SMYD3: variants seen among roughly 807,000 people sequenced by gnomAD.
SMYD3 encodes the protein SET and MYND domain containing 3.
In SMYD3, 36 loss-of-function variants were observed where a neutral mutation model predicts 57.7. The ratio of observed to expected loss-of-function variants is 0.62; its 90% CI spans 0.48 to 0.82. The LOEUF (loss-of-function observed/expected upper bound fraction) is 0.82. SMYD3 is among the 40% of genes least tolerant of loss of function. The pLI, the probability that SMYD3 is intolerant of heterozygous loss-of-function variation, is 0.00. For missense variants in SMYD3, 515 were observed against 538.8 expected, an observed-to-expected ratio of 0.96 and a Z score of 0.44; for synonymous variants, 211 against 195.0, an observed-to-expected ratio of 1.08 and a Z score of -0.68.
rs543201624 is a variant in SMYD3, at chr1:246,253,287, C to T, written c.531+73914G>A. Among the ~76,000 whole-genome samples the T allele has an allele frequency of 2.6e-5, 4 of 152,298 alleles. No individual in the cohort carries two copies. In the South Asian group the frequency reaches 8.3e-4, roughly 32 times the overall value. On this transcript the variant is annotated intron_variant, in intron 5 of 11. Transcript: ENST00000490107. The stretch of plus-strand genomic sequence containing the variant: ...CTTGCTCCCTCCCTCCAACCTCGAG[C>T]AGTCCTCAGTTTCTGCTGTTGCCAT...
chr1:245,827,216 G>T (rs1271056294), intron 10 of SMYD3, among the ~76,000 whole-genome samples: 3 of 152,104 alleles, frequency 2.0e-5, no homozygotes, highest in Admixed American at 1.3e-4. Context: ...CAGCAATCTG[G>T]ACCTCTGACC....
At chr1:246,062,555 G>A (rs7416945) in intron 5 of SMYD3, among the ~76,000 whole-genome samples, 42,117 of 152,030 alleles carry the variant, frequency 0.28, 6,350 homozygotes, top group East Asian at 0.39. Context: ...TAGTCATTTG[G>A]ACCACTAACC....
At chr1:245,869,404 T>C (rs1032209363) in intron 8 of SMYD3, among the ~76,000 whole-genome samples, 5 of 152,158 alleles carry the variant, frequency 3.3e-5, no homozygotes, top group African/African-American at 1.2e-4. Flanking sequence ...GGCCCTCACC[T>C]TCCTCACCTG....
At chr1:246,208,644 T>C (rs1291496043) in intron 5 of SMYD3, among the ~76,000 whole-genome samples, 2 of 152,292 alleles carry the variant, frequency 1.3e-5, no homozygotes, top group East Asian at 1.9e-4. Context: ...TCTAGAAAAC[T>C]GTTCTCTGCT....
chr1:245,844,088 C>T (rs975484596), intron 10 of SMYD3, among the ~76,000 whole-genome samples: 1 of 152,152 alleles, frequency 6.6e-6, no homozygotes, highest in African/African-American at 2.4e-5. Context: ...GTCCTAGTTC[C>T]TCCTCCTCTG....
chr1:245,845,617 G>A (rs2050625745), intron 10 of SMYD3, among the ~76,000 whole-genome samples: 1 of 152,076 alleles, frequency 6.6e-6, no homozygotes, highest in Non-Finnish European at 1.5e-5. Flanking sequence ...CTCCTAAATG[G>A]CTGGCTTGTG....
chr1:246,191,424 T>C (rs943969990), intron 5 of SMYD3, among the ~76,000 whole-genome samples: 5 of 152,200 alleles, frequency 3.3e-5, no homozygotes, highest in Non-Finnish European at 7.3e-5. Context: ...TTATGTAAGG[T>C]TTTGTTTCTT....
chr1:245,819,258 C>T (rs1303879219), intron 10 of SMYD3, among the ~76,000 whole-genome samples: 1 of 140,320 alleles, frequency 7.1e-6, no homozygotes, highest in South Asian at 2.4e-4. Context: ...AACCACTCAA[C>T]TACATGGAAA....
intron 5 of SMYD3, among the ~76,000 whole-genome samples, chr1:246,262,841 A>T (rs1041766473): frequency 6.6e-6 from 1 of 152,222 alleles, no homozygotes; most frequent in Non-Finnish European, 1.5e-5. Flanking sequence ...GTATTTTAAA[A>T]ATAGTTTTTC....
chr1:246,074,137 C>A (rs2060504485), intron 5 of SMYD3, among the ~76,000 whole-genome samples: 4 of 152,052 alleles, frequency 2.6e-5, no homozygotes, highest in Admixed American at 1.3e-4. Flanking sequence ...CAATTTGTCT[C>A]CTTCCAGTGT....
At chr1:245,968,806 C>T (rs77976841) in intron 5 of SMYD3, among the ~76,000 whole-genome samples, 2 of 152,266 alleles carry the variant, frequency 1.3e-5, no homozygotes, top group African/African-American at 2.4e-5. Context: ...TCGTCTTTCC[C>T]GCGTTGTAAA....
intron 8 of SMYD3, among the ~76,000 whole-genome samples, chr1:245,902,313 G>A (rs2054243282): frequency 6.6e-6 from 1 of 152,144 alleles, no homozygotes; most frequent in Admixed American, 6.5e-5. Context: ...GCCTGCCTGG[G>A]GCCACTGCCA....
At position 246,158,536 on chromosome 1, in the gene SMYD3, G is replaced by A. The variant is rs951059383; in HGVS notation, c.531+168665C>T. Among the ~76,000 whole-genome samples the A allele has an allele frequency of 2.6e-5, 4 of 152,032 alleles. No homozygotes were observed. The East Asian group carries it at 7.7e-4, about 29-fold the overall frequency. On this transcript the variant is annotated intron_variant, in intron 5 of 11. Transcript: ENST00000490107. ...GCTTTGTTTTTTTGAGAACTACCCC[G>A]TAGAGTAAAGCATACCTTTTTATAT...
At chr1:246,502,983 G>A (rs1412397637) in intron 1 of SMYD3, among the ~76,000 whole-genome samples, 2 of 152,124 alleles carry the variant, frequency 1.3e-5, no homozygotes, top group African/African-American at 4.8e-5. Flanking sequence ...TACCACTGCT[G>A]TGCTATAGGC....
At chr1:245,817,432 C>T (rs1397356437) in intron 10 of SMYD3, among the ~76,000 whole-genome samples, 2 of 149,934 alleles carry the variant, frequency 1.3e-5, no homozygotes, top group Non-Finnish European at 3.0e-5. Flanking sequence ...GTAGATAAAA[C>T]CACAAAGATG....
At chr1:245,916,053 T>C (rs902381336) in intron 7 of SMYD3, among the ~76,000 whole-genome samples, 3 of 152,226 alleles carry the variant, frequency 2.0e-5, no homozygotes, top group East Asian at 1.9e-4. Context: ...GCCAGATTGC[T>C]CTTAAATTCT....
At chr1:246,435,662 G>A (rs2067359448) in intron 1 of SMYD3, among the ~76,000 whole-genome samples, 2 of 151,832 alleles carry the variant, frequency 1.3e-5, no homozygotes, top group South Asian at 4.2e-4. Flanking sequence ...GAGGAAGGGG[G>A]AATAAGGGAA....
chr1:245,870,752 T>G (rs761596985), intron 8 of SMYD3, among the ~76,000 whole-genome samples: 3 of 152,214 alleles, frequency 2.0e-5, no homozygotes, highest in Non-Finnish European at 4.4e-5. Flanking sequence ...AAAGCTACGT[T>G]TCTTCCATAG....
chr1:245,861,103 C>T (rs1424141851), intron 9 of SMYD3, among the ~76,000 whole-genome samples: 1 of 152,270 alleles, frequency 6.6e-6, no homozygotes, highest in Non-Finnish European at 1.5e-5. Flanking sequence ...TGGCAACTGT[C>T]TCTTGCCAAA....
Sources: gnomAD v4.1 joint callset for allele counts (sites outside exome capture counted in the v4.1 genomes callset) on GRCh38, gnomAD v4.1.1 for gene constraint, MANE v1.5 for transcripts, NCBI Gene and HGNC (gene_info 2026-07-23, HGNC 2026-07-21) for gene names.